CTBS: variants seen among roughly 807,000 people sequenced by gnomAD.
CTBS encodes chitobiase.
Under a neutral mutation model 44.3 loss-of-function variants are expected in CTBS, and 35 were observed. The ratio of observed to expected loss-of-function variants is 0.79; its 90% CI spans 0.60 to 1.05. The LOEUF (loss-of-function observed/expected upper bound fraction) is 1.05, where lower values mean the gene tolerates loss of function less well. Among genes scored for constraint, CTBS ranks in the 50% least tolerant of loss-of-function variants. CTBS has a pLI of 0.00. For missense variants in CTBS, 458 were observed against 475.3 expected, an observed-to-expected ratio of 0.96 and a Z score of 0.34; for synonymous variants, 143 against 168.0, an observed-to-expected ratio of 0.85 and a Z score of 1.15.
At chr1:84,570,466 A>C in intron 2 of CTBS, 116 bp downstream of exon 2, 11 of 798,514 alleles carry the variant, frequency 1.4e-5, no homozygotes, top group Non-Finnish European at 2.2e-5. Flanking sequence ...GATTAATTAT[A>C]GGATCCTAAC....
chr1:84,572,817 T>A (rs1166018148), intron 1 of CTBS, among the ~76,000 whole-genome samples: 1 of 152,040 alleles, frequency 6.6e-6, no homozygotes, highest in East Asian at 1.9e-4. Context: ...TAGTTCGGAT[T>A]ACATGTGCCC....
Position 84,552,946 on chromosome 1 carries a change from G to A in CTBS, c.*2053C>T, listed in dbSNP as rs1034551766. ...CAAATGAGAGAAGACAGTTAAAGCG[G>A]TTACAAAAACCCTGTTTACATGACA... On this transcript the variant is annotated 3_prime_UTR_variant, in exon 7 of 7. Transcript: ENST00000370630. 12 of 825,316 alleles carry A rather than the reference G, an allele frequency of 1.5e-5. No individual in the cohort carries two copies. In the African/African-American group the frequency reaches 2.1e-4, roughly 15 times the overall value. 51.1% of individuals were successfully genotyped at this position (825,316 alleles called of 1,614,324 possible).
chr1:84,570,514 C>T (rs576586409), intron 2 of CTBS, 68 bp downstream of exon 2: 306 of 1,408,348 alleles, frequency 2.2e-4, no homozygotes, highest in Non-Finnish European at 2.7e-4. Flanking sequence ...TTTGGAAAGT[C>T]GGGACTATAG....
At chr1:84,559,863 T>A (rs570357429) in intron 6 of CTBS, among the ~76,000 whole-genome samples, 1 of 151,960 alleles carries the variant, frequency 6.6e-6, no homozygotes, top group Non-Finnish European at 1.5e-5. Flanking sequence ...GGTAGGCGGA[T>A]CACTTGAGGT....
Position 84,574,410 on chromosome 1 carries a change from G to T in CTBS, c.6C>A (p.Ser2=). The part of the protein sequence containing the change: M[S]RPQLRRWRLV... ...GGCGCCAGCGTCGAAGCTGCGGCCG[G>T]GACATAGCAGCAGGTCTAGCGGGCC... Residue 2 remains serine (S), a synonymous_variant, in exon 1 of 7, where the codon TCC becomes TCA. Transcript: ENST00000370630. 1 of 1,548,500 alleles carries T rather than the reference G, an allele frequency of 6.5e-7. No individual in the cohort carries two copies. Among genetic ancestry groups the T allele is most frequent in the Non-Finnish European group, 8.7e-7 (1 of 1,148,986 alleles).
In CTBS at chr1:84,574,267, C is replaced by G; in HGVS notation, c.149G>C (p.Arg50Pro). The G allele has an allele frequency of 6.2e-7, 1 of 1,600,026 alleles. No individual in the cohort carries two copies. The change falls in exon 1 of 7, where the codon CGC becomes CCC. Residue 50 changes from arginine (R) to proline (P), a missense_variant. Physicochemically the swap from Arg to Pro is moderately radical, Grantham distance 103 (BLOSUM62 -2). Transcript: ENST00000370630. ...DCPCPEPELC[R>P]PIRHHPDFEV... Reference sequence around the variant, plus strand: ...GAAATCTGGATGGTGGCGAATCGGGCGGCAGAGCTCAGGCTCCGGGCATGG... The same window carrying G: ...GAAATCTGGATGGTGGCGAATCGGGGGGCAGAGCTCAGGCTCCGGGCATGG...
At chr1:84,557,553 AG>A (rs1440055873) in intron 6 of CTBS, among the ~76,000 whole-genome samples, 10,058 of 119,770 alleles carry the variant, frequency 0.084, 795 homozygotes, top group African/African-American at 0.26. Flanking sequence ...AAAAAAAAAA[AG>A]AAAAAAAAAA....
rs772480303 is a variant in CTBS, at chr1:84,565,890, C to T, written c.648G>A (p.Trp216Ter). 6.9e-6 allele frequency: 11 copies of T among 1,588,110 alleles called. No individual in the cohort carries two copies. The highest frequency in any genetic ancestry group is 9.4e-6 in the Non-Finnish European group (11 of 1,168,690). The change falls in exon 4 of 7, where the codon TGG (tryptophan) becomes TGA (stop). Residue 216 changes from tryptophan to a stop codon, truncating the protein, a stop_gained. Coordinates refer to ENST00000370630, the MANE Select transcript of CTBS (RefSeq NM_004388.3). LOFTEE classifies it high-confidence loss of function. Reference sequence around the variant, plus strand: ...CATTGGCTGCTGCAATACATTCTGACCAGATCTGACTTTGTTCATCATAAG... The same window carrying T: ...CATTGGCTGCTGCAATACATTCTGATCAGATCTGACTTTGTTCATCATAAG... ...VMSYDEQSQI[W>*]SECIAAANAP...
At chr1:84,573,775 G>T in intron 1 of CTBS, 2 of 495,342 alleles carry the variant, frequency 4.0e-6, no homozygotes, top group Non-Finnish European at 5.2e-6. Context: ...GGGTGGTTTT[G>T]AGGTACTTTA....
At position 84,550,696 on chromosome 1, in the gene CTBS, G is replaced by A; in HGVS notation, c.*4303C>T. The A allele has an allele frequency of 8.4e-7, 1 of 1,192,150 alleles. No individual in the cohort carries two copies. Among genetic ancestry groups the A allele is most frequent in the Non-Finnish European group, 1.0e-6 (1 of 954,602 alleles). The allele number at this position is 1,192,150 out of a possible 1,614,324, so 73.8% of individuals were successfully genotyped here. On this transcript the variant is annotated 3_prime_UTR_variant, in exon 7 of 7. Transcript: ENST00000370630. ...ATAGGTGAAAAAAAAAATGCAGGAA[G>A]AAAAACTAAACCTGTGAAAAGATAC...
intron 1 of CTBS, among the ~76,000 whole-genome samples, chr1:84,571,544 A>G (rs765824117): frequency 2.9e-4 from 44 of 152,250 alleles, no homozygotes; most frequent in Non-Finnish European, 5.6e-4. Context: ...AGTTAATTCA[A>G]GAAGCACAGA....
rs1488191379 is a variant in CTBS, at chr1:84,554,780, A to C, written c.*219T>G. 1 of 456,458 alleles carries C rather than the reference A, an allele frequency of 2.2e-6. No homozygotes were observed. The highest frequency in any genetic ancestry group is 3.9e-6 in the Non-Finnish European group (1 of 258,392). 28.3% of individuals were successfully genotyped at this position (456,458 alleles called of 1,614,324 possible). Reference sequence around the variant, plus strand: ...TAGTGTTGAAACATCTAATAGAGGAATATTTAATAGGTAAGTTGACTTGCT... The same window carrying C: ...TAGTGTTGAAACATCTAATAGAGGACTATTTAATAGGTAAGTTGACTTGCT... On this transcript the variant is annotated 3_prime_UTR_variant, in exon 7 of 7. Coordinates refer to ENST00000370630, the MANE Select transcript of CTBS (RefSeq NM_004388.3).
chr1:84,563,546 G>T lies in CTBS; in HGVS notation c.796-128C>A, dbSNP rs565963048. On this transcript the variant is annotated intron_variant, in intron 5 of 6. Coordinates refer to ENST00000370630, the MANE Select transcript of CTBS (RefSeq NM_004388.3). The stretch of plus-strand genomic sequence containing the variant: ...GAAAACCTGACTATACAGAAAAAAG[G>T]TTAAAATAAATTTCATTATTAAATG... 4.2e-6 allele frequency: 3 copies of T among 717,488 alleles called. No individual in the cohort carries two copies. The East Asian group carries it at 9.9e-5, about 24-fold the overall frequency. The allele number at this position is 717,488 out of a possible 1,614,324, so 44.4% of individuals were successfully genotyped here.
chr1:84,573,946 C>G, intron 1 of CTBS: 2 of 1,310,112 alleles, frequency 1.5e-6, no homozygotes, highest in Middle Eastern at 2.9e-4. Context: ...AGAGTGCTTC[C>G]GCAGAGGCAC....
In CTBS at chr1:84,550,021, G is replaced by T. The variant is rs1171243330; in HGVS notation, c.*4978C>A. Reference sequence around the variant, plus strand: ...AACTTTTCTGGACAAAAACCAAAAAGTCTTCTTATTTTAAATAGGTTTTCT... The same window carrying T: ...AACTTTTCTGGACAAAAACCAAAAATTCTTCTTATTTTAAATAGGTTTTCT... On this transcript the variant is annotated 3_prime_UTR_variant, in exon 7 of 7. Transcript: ENST00000370630. The T allele has an allele frequency of 6.6e-6, 1 of 151,768 alleles. No homozygotes were observed. Among genetic ancestry groups the T allele is most frequent in the Non-Finnish European group, 1.5e-5 (1 of 67,910 alleles). The allele number at this position is 151,768 out of a possible 1,614,324, so 9.4% of individuals were successfully genotyped here. A position where few individuals can be genotyped will look rare whatever the true frequency, so the allele number is the denominator to read the frequency against.
At position 84,563,288 on chromosome 1, in the gene CTBS, T is replaced by G. The variant is rs1039771293; in HGVS notation, c.926A>C (p.Lys309Thr). 7 of 1,578,108 alleles carry G rather than the reference T, an allele frequency of 4.4e-6. No homozygotes were observed. The African/African-American group carries it at 8.3e-5, about 19-fold the overall frequency. Residue 309 changes from lysine to threonine, a missense_variant, in exon 6 of 7, where the codon AAA becomes ACA. By Grantham distance (78) the Lys-to-Thr change is moderately conservative (BLOSUM62 -1). Coordinates refer to ENST00000370630, the MANE Select transcript of CTBS (RefSeq NM_004388.3). ...GTTATAATAAGGAGCCCGCTGATCT[T>G]TATCCCATAGGTTTCCAGAAATAGA... ...NSSISGNLWD[K>T]DQRAPYYNYK...
At chr1:84,568,866 TAAGTTTTCCTGA>T (rs1647212651) in intron 3 of CTBS, among the ~76,000 whole-genome samples, 2 of 152,270 alleles carry the variant, frequency 1.3e-5, no homozygotes, top group South Asian at 2.1e-4. Flanking sequence ...ACCATGACTG[TAAGTTTTCCTGA>T]GGCCTCCCAA....
chr1:84,555,339 T>A (rs1684396874), intron 6 of CTBS, 140 bp from the exon 7 acceptor site: 1 of 597,510 alleles, frequency 1.7e-6, no homozygotes, highest in Admixed American at 3.5e-5. Context: ...AAGGATACAA[T>A]GAAATAAAAA....
rs972536450 is a variant in CTBS, at chr1:84,554,204, C to A, written c.*795G>T. The A allele has an allele frequency of 1.6e-4, 25 of 152,034 alleles. 1 individual carries two copies. The highest frequency in any genetic ancestry group is 5.5e-4 in the African/African-American group (23 of 41,472). The allele number at this position is 152,034 out of a possible 1,614,324, so 9.4% of individuals were successfully genotyped here. ...TAGCCAAGAAATAAATTATATATGT[C>A]CATAAATGAAGAAATGAATAATTAG... On this transcript the variant is annotated 3_prime_UTR_variant, in exon 7 of 7. Coordinates refer to ENST00000370630, the MANE Select transcript of CTBS (RefSeq NM_004388.3).
Sources: gnomAD v4.1 joint callset for allele counts (sites outside exome capture counted in the v4.1 genomes callset) on GRCh38, gnomAD v4.1.1 for gene constraint, MANE v1.5 for transcripts, NCBI Gene and HGNC (gene_info 2026-07-23, HGNC 2026-07-21) for gene names.